PDE10A: variants seen among roughly 807,000 people sequenced by gnomAD.
The protein encoded by PDE10A is phosphodiesterase 10A.
A neutral mutation model predicts 97.7 loss-of-function variants in PDE10A; 39 were observed. That is an observed-to-expected ratio of 0.40 (90% confidence interval 0.31 to 0.52). The LOEUF is 0.52. Ranked by LOEUF, PDE10A falls within the 20% of genes least tolerant of loss-of-function variation. The pLI is 0.56. For missense variants in PDE10A, 731 were observed against 1,047.8 expected, an observed-to-expected ratio of 0.70 and a Z score of 4.17; for synonymous variants, 371 against 376.8, an observed-to-expected ratio of 0.98 and a Z score of 0.18.
At chr6:165,525,315 C>T (rs1301835124) in intron 2 of PDE10A, among the ~76,000 whole-genome samples, 1 of 152,040 alleles carries the variant, frequency 6.6e-6, no homozygotes, top group Non-Finnish European at 1.5e-5. Flanking sequence ...GATTTGGGCC[C>T]ACTAAGTAGG....
chr6:165,595,242 A>G (rs1454315158), intron 1 of PDE10A, among the ~76,000 whole-genome samples: 1 of 152,160 alleles, frequency 6.6e-6, no homozygotes, highest in Non-Finnish European at 1.5e-5. Context: ...TCTCTGGATT[A>G]GTCCTCTCAT....
chr6:165,901,306 C>G (rs1782099445), intron 1 of PDE10A, among the ~76,000 whole-genome samples: 1 of 152,210 alleles, frequency 6.6e-6, no homozygotes, highest in Admixed American at 6.5e-5. Flanking sequence ...ATGCCCAGCT[C>G]CACACCAGGT....
intron 1 of PDE10A, among the ~76,000 whole-genome samples, chr6:165,563,380 C>T (rs1286740093): frequency 1.3e-5 from 2 of 151,976 alleles, no homozygotes; most frequent in African/African-American, 2.4e-5. Context: ...ATACGGAAAC[C>T]ACAGGCACAA....
intron 1 of PDE10A, among the ~76,000 whole-genome samples, chr6:165,855,374 A>G (rs2128475610): frequency 6.7e-6 from 1 of 149,890 alleles, no homozygotes; most frequent in South Asian, 2.1e-4. Flanking sequence ...GCCAGGGTGA[A>G]GGCCGCCCAT....
chr6:165,433,452 C>T (rs1305556509), intron 6 of PDE10A, among the ~76,000 whole-genome samples: 1 of 152,004 alleles, frequency 6.6e-6, no homozygotes, highest in Non-Finnish European at 1.5e-5. Context: ...TTCTATGTGC[C>T]GGAACAGTCT....
chr6:165,612,091 A>C (rs747434992), intron 1 of PDE10A, among the ~76,000 whole-genome samples: 4 of 152,232 alleles, frequency 2.6e-5, no homozygotes, highest in Admixed American at 6.5e-5. Context: ...ATTAACGACA[A>C]GTATCTACAG....
chr6:165,644,117 G>A (rs572836209), intron 1 of PDE10A, among the ~76,000 whole-genome samples: 10 of 152,168 alleles, frequency 6.6e-5, no homozygotes, highest in South Asian at 6.2e-4. Flanking sequence ...GTGCAGTGGC[G>A]TGATCTTGGC....
intron 1 of PDE10A, among the ~76,000 whole-genome samples, chr6:165,809,941 T>C (rs1055445431): frequency 1.3e-5 from 2 of 152,174 alleles, no homozygotes; most frequent in African/African-American, 4.8e-5. Context: ...CCTTGTATGA[T>C]AAATTCGCTC....
At chr6:165,659,393 T>C (rs1199049962) in intron 1 of PDE10A, among the ~76,000 whole-genome samples, 5 of 152,212 alleles carry the variant, frequency 3.3e-5, no homozygotes, top group Non-Finnish European at 2.9e-5. Flanking sequence ...TTTTAAACGA[T>C]ACATATCAGA....
At chr6:165,928,671 AACATCCC>A (rs1783023109) in intron 1 of PDE10A, among the ~76,000 whole-genome samples, 1 of 152,008 alleles carries the variant, frequency 6.6e-6, no homozygotes, top group Non-Finnish European at 1.5e-5. Flanking sequence ...TGGTGGTGCC[AACATCCC>A]GGCTGCTGGT....
intron 1 of PDE10A, among the ~76,000 whole-genome samples, chr6:165,694,172 T>G (rs1791382711): frequency 1.3e-5 from 2 of 152,226 alleles, no homozygotes; most frequent in Non-Finnish European, 2.9e-5. Flanking sequence ...CACACGTATA[T>G]CTCATCATAA....
intron 13 of PDE10A, among the ~76,000 whole-genome samples, chr6:165,402,123 AT>A (rs1786713420): frequency 6.6e-6 from 1 of 152,170 alleles, no homozygotes; most frequent in Admixed American, 6.5e-5. Context: ...TTTTGTATGC[AT>A]TACTTCATGT....
intron 1 of PDE10A, among the ~76,000 whole-genome samples, chr6:165,889,938 TCCTC>T (rs371189001): frequency 3.5e-5 from 1 of 28,256 alleles, no homozygotes. Context: ...CCTCCCTCAC[TCCTC>T]CCTCCCTCCT....
chr6:165,637,592 G>A (rs1228938826), intron 1 of PDE10A, among the ~76,000 whole-genome samples: 2 of 152,164 alleles, frequency 1.3e-5, no homozygotes, highest in Non-Finnish European at 2.9e-5. Flanking sequence ...CAGCATAACA[G>A]GGTCACAAAA....
At chr6:165,714,467 G>T (rs182607122) in intron 1 of PDE10A, among the ~76,000 whole-genome samples, 208 of 152,250 alleles carry the variant, frequency 1.4e-3, no homozygotes, top group Non-Finnish European at 2.5e-3. Context: ...TCCAAAATAA[G>T]AGGAATAGAC....
At chr6:165,378,534 A>G (rs2128206510) in intron 18 of PDE10A, among the ~76,000 whole-genome samples, 1 of 152,304 alleles carries the variant, frequency 6.6e-6, no homozygotes, top group South Asian at 2.1e-4. Context: ...GTTCATAAAG[A>G]ACATACCTGA....
intron 1 of PDE10A, among the ~76,000 whole-genome samples, chr6:165,647,723 T>C (rs1789471693): frequency 6.6e-6 from 1 of 152,170 alleles, no homozygotes; most frequent in African/African-American, 2.4e-5. Context: ...TCAGCAGCCT[T>C]TCTCTTCCTT....
chr6:165,839,431 G>T (rs1175662138), intron 1 of PDE10A, among the ~76,000 whole-genome samples: 1 of 152,196 alleles, frequency 6.6e-6, no homozygotes, highest in Non-Finnish European at 1.5e-5. Context: ...ACATTAAAAT[G>T]TAAATTAGAT....
intron 1 of PDE10A, among the ~76,000 whole-genome samples, chr6:165,724,360 C>T (rs530668207): frequency 3.9e-5 from 6 of 152,132 alleles, no homozygotes; most frequent in African/African-American, 9.6e-5. Flanking sequence ...CAGATGTGAA[C>T]GCGTGTTGAG....
Sources: gnomAD v4.1 joint callset for allele counts (sites outside exome capture counted in the v4.1 genomes callset) on GRCh38, gnomAD v4.1.1 for gene constraint, MANE v1.5 for transcripts, NCBI Gene and HGNC (gene_info 2026-07-23, HGNC 2026-07-21) for gene names.